Variants in SLIT2 observed in about 807,000 individuals in gnomAD.
SLIT2 encodes the protein slit guidance ligand 2, also known as slit homolog 2 protein.
SLIT2 carries 41 observed loss-of-function variants against 185.7 expected under a neutral mutation model. That is an observed-to-expected ratio of 0.22 (90% CI 0.17 to 0.29). The LOEUF is 0.29. Ranked by LOEUF, SLIT2 falls within the 10% of genes least tolerant of loss-of-function variation. The probability of loss-of-function intolerance (pLI) is 1.00; values close to 1 mark genes in which losing one functional copy is unlikely to be tolerated. For missense variants in SLIT2, 1,571 were observed against 1,909.0 expected (o/e 0.82, Z 3.30); for synonymous variants, 693 against 680.2 (o/e 1.02, Z -0.29).
chr4:20,485,299 G>A (rs1717107277), intron 6 of SLIT2, among the ~76,000 whole-genome samples: 1 of 152,070 alleles, frequency 6.6e-6, no homozygotes. Context: ...GCTATCTTAG[G>A]ACAGAGTATA....
chr4:20,291,912 G>A (rs1715982390), intron 4 of SLIT2, among the ~76,000 whole-genome samples: 1 of 141,796 alleles, frequency 7.1e-6, no homozygotes, highest in African/African-American at 2.8e-5. Flanking sequence ...CTCTGTGTGT[G>A]TGTGTGTGTG....
rs1711531928 is a variant in SLIT2, at chr4:20,254,371, G to A, written c.179+377G>A. 6.6e-6 allele frequency among the ~76,000 whole-genome samples: 1 copy of A among 152,224 alleles called. No individual in the cohort carries two copies. Among genetic ancestry groups the A allele is most frequent in the Non-Finnish European group, 1.5e-5 (1 of 68,040 alleles). ...AAACGGAGTCACCTTGCGATTGCCA[G>A]CATCCAGGTCGGTTTCAGAGCCCAG... On this transcript the variant is annotated intron_variant, in intron 1 of 36. Coordinates refer to ENST00000504154, the MANE Select transcript of SLIT2 (RefSeq NM_004787.4). This position sits in a 1 kb window ranked among gnomAD's most constrained non-coding sequence, Gnocchi z 5.1.
intron 4 of SLIT2, among the ~76,000 whole-genome samples, chr4:20,365,495 C>G (rs115362826): frequency 6.6e-6 from 1 of 152,246 alleles, no homozygotes; most frequent in South Asian, 2.1e-4. Context: ...TGGAATGGGG[C>G]GTGAGTAACG....
intron 4 of SLIT2, among the ~76,000 whole-genome samples, chr4:20,432,001 C>CTGTGTGTG (rs56154477): frequency 4.2e-4 from 63 of 150,832 alleles, no homozygotes; most frequent in East Asian, 7.8e-4. Context: ...CTCTCACTCT[C>CTGTGTGTG]TGTGTGTGTG....
chr4:20,400,011 A>G (rs1726218948), intron 4 of SLIT2, among the ~76,000 whole-genome samples: 2 of 151,736 alleles, frequency 1.3e-5, no homozygotes, highest in Admixed American at 6.6e-5. Flanking sequence ...AAAGAGAATG[A>G]TCTCATAGAA....
chr4:20,488,113 C>T (rs1560468296), intron 7 of SLIT2, among the ~76,000 whole-genome samples: 1 of 152,178 alleles, frequency 6.6e-6, no homozygotes, highest in Admixed American at 6.5e-5. Flanking sequence ...CTATTTGCCA[C>T]TTGGAAGCAA....
chr4:20,595,117 C>A (rs1727869024), intron 30 of SLIT2, among the ~76,000 whole-genome samples: 1 of 152,158 alleles, frequency 6.6e-6, no homozygotes, highest in Non-Finnish European at 1.5e-5. Context: ...TCTATCCTAA[C>A]CCATTATGTC....
At chr4:20,576,801 T>C (rs1478887911) in intron 29 of SLIT2, among the ~76,000 whole-genome samples, 2 of 152,192 alleles carry the variant, frequency 1.3e-5, no homozygotes, top group Non-Finnish European at 2.9e-5. Context: ...AGAACAACAA[T>C]TTAGCCTAAG....
At chr4:20,428,356 G>A (rs1211085795) in intron 4 of SLIT2, among the ~76,000 whole-genome samples, 6 of 152,174 alleles carry the variant, frequency 3.9e-5, no homozygotes, top group Non-Finnish European at 7.3e-5. Context: ...TGCCTTTTCT[G>A]TCATACCCGC....
chr4:20,367,126 C>T (rs1723179818), intron 4 of SLIT2, among the ~76,000 whole-genome samples: 1 of 152,072 alleles, frequency 6.6e-6, no homozygotes, highest in African/African-American at 2.4e-5. Flanking sequence ...TATATAAATC[C>T]ACAGTGGCTG....
intron 4 of SLIT2, among the ~76,000 whole-genome samples, chr4:20,384,261 G>T (rs767098994): frequency 3.3e-5 from 5 of 152,118 alleles, no homozygotes; most frequent in Non-Finnish European, 7.4e-5. Flanking sequence ...TATGTTATGT[G>T]AAAGCAGCTA....
intron 29 of SLIT2, among the ~76,000 whole-genome samples, chr4:20,581,801 C>G (rs2148935812): frequency 6.6e-6 from 1 of 152,284 alleles, no homozygotes; most frequent in South Asian, 2.1e-4. Flanking sequence ...TAGAGTAGTG[C>G]AGTGGTGCAA....
chr4:20,255,180 C>G (rs1249168758), intron 1 of SLIT2: 1 of 389,532 alleles, frequency 2.6e-6, no homozygotes, highest in African/African-American at 2.1e-5. Flanking sequence ...GGCCTCTTTG[C>G]CCCCGGGGTG....
chr4:20,614,567 C>T (rs1035954071), intron 34 of SLIT2, among the ~76,000 whole-genome samples: 3 of 151,890 alleles, frequency 2.0e-5, no homozygotes, highest in Admixed American at 6.6e-5. Flanking sequence ...CACCTGAGGT[C>T]GGGAGTTGGA....
rs1309887027 is a variant in SLIT2 at position 20,484,168 on chromosome 4, A to T, written c.540-2032A>T. ...ATTAATGCATGTCTGCTCTCTGTGTAGTACTTAAAACAATTTATTCCCAAA... is the reference window on the plus strand; with the variant it reads ...ATTAATGCATGTCTGCTCTCTGTGTTGTACTTAAAACAATTTATTCCCAAA... On this transcript the variant is annotated intron_variant, in intron 6 of 36. Transcript: ENST00000504154. The surrounding 1 kb of genome is among the most constrained non-coding windows in gnomAD (Gnocchi z 4.3). Among the ~76,000 whole-genome samples, 1 of 152,114 alleles carries T rather than the reference A, an allele frequency of 6.6e-6. No homozygotes were observed. The highest frequency in any genetic ancestry group is 2.4e-5 in the African/African-American group (1 of 41,434).
intron 4 of SLIT2, among the ~76,000 whole-genome samples, chr4:20,392,601 AAC>A (rs1725512987): frequency 6.6e-6 from 1 of 152,094 alleles, no homozygotes; most frequent in Non-Finnish European, 1.5e-5. Flanking sequence ...GACTCAAGAT[AAC>A]ACAGCTTAAA....
intron 4 of SLIT2, among the ~76,000 whole-genome samples, chr4:20,414,696 T>C (rs888565453): frequency 2.6e-5 from 4 of 152,208 alleles, no homozygotes; most frequent in African/African-American, 4.8e-5. Context: ...TGTTATTTCA[T>C]TGCCTTTTGA....
chr4:20,407,668 T>C (rs887717273), intron 4 of SLIT2, among the ~76,000 whole-genome samples: 16 of 152,232 alleles, frequency 1.1e-4, no homozygotes, highest in African/African-American at 3.9e-4. Flanking sequence ...AGGGATATAA[T>C]GTGAAATCTC....
At chr4:20,482,722 G>A (rs1471071373) in intron 6 of SLIT2, among the ~76,000 whole-genome samples, 1 of 151,802 alleles carries the variant, frequency 6.6e-6, no homozygotes, top group East Asian at 1.9e-4. Flanking sequence ...TTTGTTTGTT[G>A]AAGAAATAAT....
Sources: allele counts gnomAD v4.1 joint callset (sites outside exome capture counted in the v4.1 genomes callset), GRCh38; gene constraint gnomAD v4.1.1; non-coding constraint Gnocchi (gnomAD v3.1); transcripts MANE v1.5; gene names NCBI Gene and HGNC (gene_info 2026-07-23, HGNC 2026-07-21).